RALY: variants seen among roughly 807,000 people sequenced by gnomAD.
RALY encodes RALY heterogeneous nuclear ribonucleoprotein, also known as RNA-binding protein Raly.
Under a neutral mutation model 30.7 loss-of-function variants are expected in RALY, and 15 were observed. The ratio of observed to expected loss-of-function variants is 0.49; its 90% confidence interval spans 0.33 to 0.75. RALY has a LOEUF of 0.75. Ranked by LOEUF, RALY falls within the 30% of genes least tolerant of loss-of-function variation. The pLI is 0.02. For synonymous variants in RALY, 177 were observed against 170.8 expected, an observed-to-expected ratio of 1.04 and a Z score of -0.28; for missense variants, 339 against 414.3, an observed-to-expected ratio of 0.82 and a Z score of 1.58.
At chr20:34,022,033 C>T (rs866672105) in intron 1 of RALY, among the ~76,000 whole-genome samples, 1 of 151,268 alleles carries the variant, frequency 6.6e-6, no homozygotes, top group Admixed American at 6.6e-5. Flanking sequence ...GCTGGGATTA[C>T]AGGCATGAGC....
intron 1 of RALY, among the ~76,000 whole-genome samples, chr20:34,000,892 C>T (rs1210395011): frequency 1.3e-5 from 2 of 152,158 alleles, no homozygotes; most frequent in African/African-American, 2.4e-5. Flanking sequence ...TCTCTGTCTT[C>T]CTGTCTGTGA....
chr20:34,068,271 A>G (rs1218108190), intron 2 of RALY, among the ~76,000 whole-genome samples: 1 of 152,182 alleles, frequency 6.6e-6, no homozygotes, highest in Non-Finnish European at 1.5e-5. Flanking sequence ...TTACCAAGTG[A>G]AGTAGCTCCT....
chr20:34,025,899 GTTTTTTTT>G (rs35827160), intron 1 of RALY, among the ~76,000 whole-genome samples: 2,518 of 75,944 alleles, frequency 0.033, 45 homozygotes, highest in Admixed American at 0.052. Context: ...ATTCCTGGTT[GTTTTTTTT>G]TTTTTTTTTT....
At chr20:34,046,515 G>A (rs1262218756) in intron 2 of RALY, among the ~76,000 whole-genome samples, 1 of 152,162 alleles carries the variant, frequency 6.6e-6, no homozygotes, top group African/African-American at 2.4e-5. Context: ...CCTTCTGAAT[G>A]CCCTTTGCCT....
intron 1 of RALY, among the ~76,000 whole-genome samples, chr20:34,009,491 C>T (rs1473107978): frequency 2.0e-5 from 3 of 152,058 alleles, no homozygotes; most frequent in Non-Finnish European, 2.9e-5. Context: ...CCGCTTCAGC[C>T]TCCCAAAGTG....
chr20:34,004,054 TG>T (rs11475194), intron 1 of RALY, among the ~76,000 whole-genome samples: 16,061 of 152,232 alleles, frequency 0.11, 2,829 homozygotes, highest in African/African-American at 0.36. Context: ...GAAGCCATTC[TG>T]GTTAGTAGTT....
At chr20:33,999,293 G>C (rs958321330) in intron 1 of RALY, among the ~76,000 whole-genome samples, 2 of 152,116 alleles carry the variant, frequency 1.3e-5, no homozygotes, top group Non-Finnish European at 2.9e-5. Flanking sequence ...GAAGGAGCAC[G>C]TAAGGGAGGG....
At chr20:34,067,647 C>T (rs1386573958) in intron 2 of RALY, among the ~76,000 whole-genome samples, 1 of 152,130 alleles carries the variant, frequency 6.6e-6, no homozygotes, top group Non-Finnish European at 1.5e-5. Context: ...GAAGCAGGCC[C>T]ATCCCTTTGA....
chr20:34,084,376 T>C lies in RALY; in HGVS notation c.*4471T>C, dbSNP rs1416269446. ...TCCAAGAAGTGGTAGAGCATGGCCATAGGGCCTGTGAGAATAGAGGGACAG... is the reference window on the plus strand; with the variant it reads ...TCCAAGAAGTGGTAGAGCATGGCCACAGGGCCTGTGAGAATAGAGGGACAG... On this transcript the variant is annotated 3_prime_UTR_variant, in exon 10 of 10. Transcript: ENST00000246194. The C allele has an allele frequency of 6.6e-6, 1 of 152,254 alleles. No homozygotes were observed. Among genetic ancestry groups the C allele is most frequent in the African/African-American group, 2.4e-5 (1 of 41,448 alleles). 9.4% of individuals were successfully genotyped at this position (152,254 alleles called of 1,614,324 possible).
At chr20:34,013,303 A>G (rs2031482977) in intron 1 of RALY, among the ~76,000 whole-genome samples, 1 of 151,006 alleles carries the variant, frequency 6.6e-6, no homozygotes, top group Non-Finnish European at 1.5e-5. Context: ...CTCAGCAGCT[A>G]CTTGGGAGGC....
chr20:34,054,382 CAG>C (rs1046619386), intron 2 of RALY, among the ~76,000 whole-genome samples: 1 of 152,192 alleles, frequency 6.6e-6, no homozygotes, highest in Non-Finnish European at 1.5e-5. Flanking sequence ...TAGAGGTCAG[CAG>C]AGAGTATCTG....
chr20:34,078,473 ATGT>A (rs780921961), intron 8 of RALY, 29 bp from the exon 9 acceptor site: 1 of 1,543,554 alleles, frequency 6.5e-7, no homozygotes, highest in African/African-American at 1.4e-5. Flanking sequence ...GCAATGAGTG[ATGT>A]GTGGTCTCTC....
chr20:34,038,431 A>T (rs2032579813), intron 2 of RALY, among the ~76,000 whole-genome samples: 1 of 152,146 alleles, frequency 6.6e-6, no homozygotes, highest in African/African-American at 2.4e-5. Context: ...GTCTTATTGA[A>T]TGGGACAGAT....
At chr20:34,035,708 G>A (rs182584241) in intron 2 of RALY, among the ~76,000 whole-genome samples, 9 of 152,202 alleles carry the variant, frequency 5.9e-5, no homozygotes, top group Admixed American at 5.9e-4. Flanking sequence ...CATATACCAG[G>A]CACAGTTTCA....
At chr20:34,018,366 G>A (rs1358246227) in intron 1 of RALY, among the ~76,000 whole-genome samples, 4 of 152,224 alleles carry the variant, frequency 2.6e-5, no homozygotes, top group Admixed American at 6.5e-5. Context: ...CTGCAGAGGT[G>A]TTGTGGTTCT....
intron 2 of RALY, among the ~76,000 whole-genome samples, chr20:34,057,117 G>A (rs1269357282): frequency 1.3e-5 from 2 of 152,112 alleles, no homozygotes; most frequent in African/African-American, 4.8e-5. Flanking sequence ...CGGCAGTAAG[G>A]ACAAATATGC....
At chr20:34,001,562 T>G (rs1019242956) in intron 1 of RALY, among the ~76,000 whole-genome samples, 4 of 152,222 alleles carry the variant, frequency 2.6e-5, no homozygotes, top group African/African-American at 9.6e-5. Flanking sequence ...TCCTGTTTAT[T>G]TTATTAAGGA....
chr20:34,075,101 T>C (rs977915626), intron 5 of RALY, among the ~76,000 whole-genome samples: 1 of 152,040 alleles, frequency 6.6e-6, no homozygotes, highest in African/African-American at 2.4e-5. Flanking sequence ...ATGACTTTGG[T>C]TGGGGGCAGT....
chr20:34,016,130 C>T (rs575584651), intron 1 of RALY, among the ~76,000 whole-genome samples: 2 of 152,328 alleles, frequency 1.3e-5, no homozygotes, highest in South Asian at 4.1e-4. Context: ...GTGCCAGATG[C>T]CACACACCGA....
Sources: allele counts gnomAD v4.1 joint callset (sites outside exome capture counted in the v4.1 genomes callset), GRCh38; gene constraint gnomAD v4.1.1; transcripts MANE v1.5; gene names NCBI Gene and HGNC (gene_info 2026-07-23, HGNC 2026-07-21).